GTF3C1: variants seen among roughly 807,000 people sequenced by gnomAD.
GTF3C1 encodes the protein general transcription factor 3C polypeptide 1.
A neutral mutation model predicts 226.7 loss-of-function variants in GTF3C1; 57 were observed. The ratio of observed to expected loss-of-function variants is 0.25; its 90% CI spans 0.20 to 0.31. The LOEUF is 0.31. Ranked by LOEUF, GTF3C1 falls within the 10% of genes least tolerant of loss-of-function variation. The probability of loss-of-function intolerance (pLI) is 1.00; values close to 1 mark genes in which losing one functional copy is unlikely to be tolerated. For missense variants in GTF3C1, 2,217 were observed against 2,776.1 expected, an observed-to-expected ratio of 0.80 and a Z score of 4.53; for synonymous variants, 1,090 against 1,084.8, an observed-to-expected ratio of 1.00 and a Z score of -0.09.
chr16:27,513,129 C>T (rs2088601802), intron 6 of GTF3C1, among the ~76,000 whole-genome samples: 1 of 152,022 alleles, frequency 6.6e-6, no homozygotes, highest in Non-Finnish European at 1.5e-5. Context: ...AGATTATCCT[C>T]GATTATCTGG....
intron 10 of GTF3C1, 102 bp downstream of exon 10, chr16:27,505,797 G>A (rs2088475610): frequency 1.8e-5 from 13 of 741,230 alleles, no homozygotes; most frequent in South Asian, 1.1e-4. Context: ...CAGCACTCTC[G>A]CTGTGGATGA....
At chr16:27,529,185 T>A (rs991511679) in intron 5 of GTF3C1, among the ~76,000 whole-genome samples, 1 of 152,176 alleles carries the variant, frequency 6.6e-6, no homozygotes, top group African/African-American at 2.4e-5. Context: ...GGCTGACACC[T>A]GTAATCCCAG....
chr16:27,528,517 CAGAG>C (rs1246978929), intron 6 of GTF3C1, 77 bp downstream of exon 6: 12 of 1,058,924 alleles, frequency 1.1e-5, no homozygotes, highest in Non-Finnish European at 1.6e-5. Flanking sequence ...AGAATGTGAT[CAGAG>C]AGAGAGAGGC....
chr16:27,549,854 G>A lies in GTF3C1; in HGVS notation c.37C>T (p.Leu13=). ...ALESLLDEVA[L]EGLDGLCLPA... ...AGACACAGGCCATCGAGCCCCTCCA[G>A]AGCGACTTCGTCCAACAACGACTCC... The change falls in exon 1 of 37, where the codon CTG becomes TTG. Residue 13 remains leucine, a synonymous_variant. Coordinates refer to ENST00000356183, the MANE Select transcript of GTF3C1 (RefSeq NM_001520.4). 1 of 1,613,016 alleles carries A rather than the reference G, an allele frequency of 6.2e-7. No individual in the cohort carries two copies. The highest frequency in any genetic ancestry group is 8.5e-7 in the Non-Finnish European group (1 of 1,179,754).
At chr16:27,528,975 A>C (rs1168020776) in intron 5 of GTF3C1, among the ~76,000 whole-genome samples, 1 of 152,162 alleles carries the variant, frequency 6.6e-6, no homozygotes, top group Non-Finnish European at 1.5e-5. Flanking sequence ...TGCAGGGGTG[A>C]GAATGAGGCA....
Position 27,463,500 on chromosome 16 carries a change from G to A in GTF3C1, c.5924+41C>T, listed in dbSNP as rs766181906. The A allele has an allele frequency of 4.2e-6, 5 of 1,198,838 alleles. No homozygotes were observed. In the Admixed American group the frequency reaches 8.7e-5, roughly 21 times the overall value. The allele number at this position is 1,198,838 out of a possible 1,614,324, so 74.3% of individuals were successfully genotyped here. A position where few individuals can be genotyped will look rare whatever the true frequency, so the allele number is the denominator to read the frequency against. On this transcript the variant is annotated intron_variant, in intron 35 of 36. Transcript: ENST00000356183. The surrounding 1 kb of genome is among the most constrained non-coding windows in gnomAD (Gnocchi z 4.9). ...AATCCTTACACTCGGTCCCTGTCAA[G>A]AGCCCCGCCCCAGGCCCCGGAGCCA...
rs756656282 is a variant in GTF3C1 at position 27,471,496 on chromosome 16, G to A, written c.4526+252C>T. ...GCAAACTGATTTCACTCCATCTGAC[G>A]AGAGAAACGGAAACAAACCACCTGC... On this transcript the variant is annotated intron_variant, in intron 30 of 36. Transcript: ENST00000356183. The surrounding 1 kb of genome is among the most constrained non-coding windows in gnomAD (Gnocchi z 5.0). The A allele has an allele frequency of 8.4e-6, 4 of 476,666 alleles. No homozygotes were observed. The South Asian group carries it at 9.2e-5, about 11-fold the overall frequency. 29.5% of individuals were successfully genotyped at this position (476,666 alleles called of 1,614,324 possible). A position where few individuals can be genotyped will look rare whatever the true frequency, so the allele number is the denominator to read the frequency against.
rs776849552 is a variant in GTF3C1, at chr16:27,488,369, C to G, written c.3558G>C (p.Glu1186Asp). 4 of 1,613,874 alleles carry G rather than the reference C, an allele frequency of 2.5e-6. No homozygotes were observed. The highest frequency in any genetic ancestry group is 2.5e-6 in the Non-Finnish European group (3 of 1,179,722). ...NIWGEARVGS[E>D]LCAGWEEQFE... ...ACTGCTCTTCCCAGCCAGCACAGAG[C>G]TCGGAGCCTACTCTTGCTTCCCCCC... Residue 1186 changes from glutamate to aspartate, a missense_variant, in exon 23 of 37, where the codon GAG becomes GAC. This residue lies in a region of GTF3C1 where 546 missense variants were observed against 663.0 expected (regional missense o/e 0.82). Transcript: ENST00000356183.
At chr16:27,524,920 G>A (rs1382386883) in intron 6 of GTF3C1, among the ~76,000 whole-genome samples, 1 of 152,214 alleles carries the variant, frequency 6.6e-6, no homozygotes, top group Non-Finnish European at 1.5e-5. Context: ...TTGGGAGGCT[G>A]AGGCGGGCAG....
chr16:27,493,564 G>T (rs964292978), intron 16 of GTF3C1, among the ~76,000 whole-genome samples: 21 of 152,066 alleles, frequency 1.4e-4, no homozygotes, highest in Non-Finnish European at 2.6e-4. Flanking sequence ...CCTTTCCCGG[G>T]GGCAACATAA....
At chr16:27,518,286 C>T (rs1273671743) in intron 6 of GTF3C1, among the ~76,000 whole-genome samples, 1 of 152,154 alleles carries the variant, frequency 6.6e-6, no homozygotes, top group Non-Finnish European at 1.5e-5. Context: ...GCACACACCC[C>T]AGGGCAATGG....
intron 8 of GTF3C1, among the ~76,000 whole-genome samples, chr16:27,508,251 T>A (rs2088517390): frequency 6.6e-6 from 1 of 152,172 alleles, no homozygotes; most frequent in Non-Finnish European, 1.5e-5. Context: ...TGTCAGGTGA[T>A]CCCCCTACCT....
chr16:27,530,200 C>A (rs1353158912), intron 5 of GTF3C1, among the ~76,000 whole-genome samples: 1 of 152,222 alleles, frequency 6.6e-6, no homozygotes, highest in Non-Finnish European at 1.5e-5. Flanking sequence ...CTAACCAGCA[C>A]TCCAGCCCTT....
rs2088188843 is a variant in GTF3C1, at chr16:27,489,010, C to A, written c.3429+33G>T. 3 of 1,605,640 alleles carry A rather than the reference C, an allele frequency of 1.9e-6. No individual in the cohort carries two copies. In the South Asian group the frequency reaches 3.3e-5, roughly 18 times the overall value. ...ACAGGAGGGTGAGTAGCGAGGACCC[C>A]TGAGATTGTAGTCCGGTGTGACGCA... On this transcript the variant is annotated intron_variant, in intron 21 of 36. Transcript: ENST00000356183.
intron 29 of GTF3C1, 63 bp downstream of exon 29, chr16:27,476,388 C>G (rs2087950295): frequency 1.9e-6 from 2 of 1,047,288 alleles, no homozygotes; most frequent in Non-Finnish European, 1.5e-6. Flanking sequence ...GGGCCAGCAC[C>G]TCACGAGCCT....
chr16:27,488,743 C>A, intron 21 of GTF3C1, 108 bp from the exon 22 acceptor site: 1 of 903,986 alleles, frequency 1.1e-6, no homozygotes, highest in Non-Finnish European at 1.7e-6. Context: ...GGCCGCTGTG[C>A]ACTGACAGCC....
In GTF3C1 at chr16:27,499,377, G is replaced by A. The variant is rs548715132; in HGVS notation, c.2062-644C>T. 3.9e-5 allele frequency among the ~76,000 whole-genome samples: 6 copies of A among 152,298 alleles called. No homozygotes were observed. The East Asian group carries it at 5.8e-4, about 15-fold the overall frequency. On this transcript the variant is annotated intron_variant, in intron 12 of 36. Transcript: ENST00000356183. The stretch of plus-strand genomic sequence containing the variant: ...ATGCCCAGCAGGGAGAGGTGGAGTG[G>A]GGCAGGGTGTGTGTGAGCACACCAG...
intron 25 of GTF3C1, among the ~76,000 whole-genome samples, chr16:27,483,880 A>AGCCTCT (rs1482322233): frequency 1.4e-4 from 21 of 152,242 alleles, no homozygotes; most frequent in African/African-American, 4.6e-4. Context: ...AGGAAAAGCC[A>AGCCTCT]GCCTCTGCCT....
Position 27,464,440 on chromosome 16 carries a change from C to T in GTF3C1, c.5752G>A (p.Asp1918Asn). The T allele has an allele frequency of 6.2e-7, 1 of 1,603,012 alleles. No homozygotes were observed. The highest frequency in any genetic ancestry group is 1.1e-5 in the South Asian group (1 of 89,272). Residue 1918 changes from aspartate to asparagine, a missense_variant, in exon 34 of 37, where the codon GAC (aspartate) becomes AAC (asparagine). By Grantham distance (23) the Asp-to-Asn change is conservative (BLOSUM62 1). This residue lies in a region of GTF3C1 where 455 missense variants were observed against 441.9 expected (regional missense o/e 1.03). Transcript: ENST00000356183. ...QAPSPPPALE[D>N]TAAAGAAQED... The stretch of plus-strand genomic sequence containing the variant: ...TGTGCTGCTCCCGCTGCAGCGGTGT[C>T]TTCAAGAGCTGGGGGTGGAGATGGG...
Sources: gnomAD v4.1 joint callset for allele counts (sites outside exome capture counted in the v4.1 genomes callset) on GRCh38, gnomAD v4.1.1 for gene constraint, gnomAD v4.1.1 regional missense constraint, Gnocchi (gnomAD v3.1) non-coding constraint, MANE v1.5 for transcripts, NCBI Gene and HGNC (gene_info 2026-07-23, HGNC 2026-07-21) for gene names.